Variants in BTN3A2 observed in about 807,000 individuals in gnomAD.
The protein encoded by BTN3A2 is butyrophilin protein.
BTN3A2 carries 25 observed loss-of-function variants against 37.6 expected under a neutral mutation model. The observed-to-expected ratio is 0.66, with a 90% CI of 0.48 to 0.93. The LOEUF (loss-of-function observed/expected upper bound fraction) is 0.93, where lower values mean the gene tolerates loss of function less well. Among genes scored for constraint, BTN3A2 ranks in the 40% least tolerant of loss-of-function variants. The pLI is 0.00. For missense variants in BTN3A2, 266 were observed against 410.9 expected (o/e 0.65, Z 3.05); for synonymous variants, 122 against 159.4 (o/e 0.77, Z 1.77).
In BTN3A2 at chr6:26,373,313, C is replaced by T. The variant is rs375536490; in HGVS notation, c.937+17C>T. On this transcript the variant is annotated intron_variant, in intron 7 of 10. Transcript: ENST00000377708. ...AGGAACTCAGTAAGTTACCATTCCC[C>T]CAGAGATCCAGACATGTCTTCCTAT... The T allele has an allele frequency of 1.2e-6, 2 of 1,608,704 alleles. No homozygotes were observed. The highest frequency in any genetic ancestry group is 1.7e-6 in the Non-Finnish European group (2 of 1,178,962).
Position 26,377,548 on chromosome 6 carries a change from C to A in BTN3A2, c.*1786C>A. ...TGTCACTCCTTTAATCCTCACAACA[C>A]CCTGTCAGGTAGTCTCATTTGGCAA... is the stretch of plus-strand genomic sequence containing the variant. On this transcript the variant is annotated 3_prime_UTR_variant, in exon 11 of 11. Transcript: ENST00000377708. 4.0e-6 allele frequency: 1 copy of A among 251,808 alleles called. No individual in the cohort carries two copies. Among genetic ancestry groups the A allele is most frequent in the Non-Finnish European group, 7.8e-6 (1 of 127,606 alleles). 15.6% of individuals were successfully genotyped at this position (251,808 alleles called of 1,614,324 possible).
chr6:26,369,211 C>A, intron 4 of BTN3A2, among the ~76,000 whole-genome samples: 1 of 152,194 alleles, frequency 6.6e-6, no homozygotes, highest in East Asian at 1.9e-4. Context: ...GTGACTGGTA[C>A]ACAGTCATTT....
rs1316342676 is a variant in BTN3A2, at chr6:26,376,323, C to T, written c.*561C>T. On this transcript the variant is annotated 3_prime_UTR_variant, in exon 11 of 11. Coordinates refer to ENST00000377708, the MANE Select transcript of BTN3A2 (RefSeq NM_007047.5). ...ACAACAAAAATGTAGAAAGAGGATC[C>T]TTGTTGCTTCTTGGGGCCGCATCAG... is the stretch of plus-strand genomic sequence containing the variant. 1.4e-5 allele frequency: 3 copies of T among 217,102 alleles called. No homozygotes were observed. Among genetic ancestry groups the T allele is most frequent in the African/African-American group, 2.3e-5 (1 of 43,152 alleles). The allele number at this position is 217,102 out of a possible 1,614,324, so 13.4% of individuals were successfully genotyped here.
chr6:26,369,555 A>G (rs1409277708), intron 4 of BTN3A2, among the ~76,000 whole-genome samples: 8 of 152,140 alleles, frequency 5.3e-5, no homozygotes, highest in Admixed American at 5.2e-4. Context: ...GGGCAGGTTA[A>G]TTCTGAGTGA....
chr6:26,367,972 C>G lies in BTN3A2; in HGVS notation c.-66-18C>G. The G allele has an allele frequency of 8.0e-7, 1 of 1,252,958 alleles. No homozygotes were observed. Among genetic ancestry groups the G allele is most frequent in the South Asian group, 1.7e-5 (1 of 59,496 alleles). 77.6% of individuals were successfully genotyped at this position (1,252,958 alleles called of 1,614,324 possible). On this transcript the variant is annotated intron_variant, in intron 1 of 10. Coordinates refer to ENST00000377708, the MANE Select transcript of BTN3A2 (RefSeq NM_007047.5). Reference sequence around the variant, plus strand: ...AGTCAGAGATGTCCTGATCAGATAACAGATATTATTTTTACAGATGGTTTT... The same window carrying G: ...AGTCAGAGATGTCCTGATCAGATAAGAGATATTATTTTTACAGATGGTTTT...
Position 26,365,200 on chromosome 6 carries a change from C to T in BTN3A2, c.-219C>T. On this transcript the variant is annotated 5_prime_UTR_variant, in exon 1 of 11. Transcript: ENST00000377708. ...AAAAACTAATTCTTCCAAAGAGCGACTCTTACTGTTTCTCATGGTGAGAAG... is the reference window on the plus strand; with the variant it reads ...AAAAACTAATTCTTCCAAAGAGCGATTCTTACTGTTTCTCATGGTGAGAAG... 6 of 1,119,580 alleles carry T rather than the reference C, an allele frequency of 5.4e-6. No homozygotes were observed. The highest frequency in any genetic ancestry group is 2.3e-5 in the Admixed American group (1 of 43,604). The allele number at this position is 1,119,580 out of a possible 1,614,324, so 69.4% of individuals were successfully genotyped here.
intron 8 of BTN3A2, 40 bp from the exon 9 acceptor site, chr6:26,374,287 G>T (rs1432466943): frequency 1.8e-5 from 27 of 1,542,052 alleles, no homozygotes; most frequent in Non-Finnish European, 2.4e-5. Context: ...CACAGAAAAG[G>T]CAGAGTTCTG....
intron 8 of BTN3A2, 87 bp from the exon 9 acceptor site, chr6:26,374,240 A>AAAAG: frequency 2.5e-6 from 1 of 394,456 alleles, no homozygotes; most frequent in Non-Finnish European, 4.3e-6. Context: ...AAAAAAAAAA[A>AAAAG]GACTAGATGG....
At chr6:26,365,560 G>A (rs1761987761) in intron 1 of BTN3A2, among the ~76,000 whole-genome samples, 1 of 151,736 alleles carries the variant, frequency 6.6e-6, no homozygotes, top group African/African-American at 2.4e-5. Flanking sequence ...ATATGGGCAC[G>A]TGGGAAGACG....
In BTN3A2 at chr6:26,376,831, C is replaced by T. The variant is rs1581575059; in HGVS notation, c.*1069C>T. On this transcript the variant is annotated 3_prime_UTR_variant, in exon 11 of 11. Coordinates refer to ENST00000377708, the MANE Select transcript of BTN3A2 (RefSeq NM_007047.5). ...AGGAAAAAAGTTTGGGTCAAAATGA[C>T]ACCGGAGAACGGATACTGGACTATG... 2 of 1,613,972 alleles carry T rather than the reference C, an allele frequency of 1.2e-6. No individual in the cohort carries two copies. The highest frequency in any genetic ancestry group is 2.2e-5 in the East Asian group (1 of 44,878).
intron 4 of BTN3A2, 33 bp from the exon 5 acceptor site, chr6:26,370,289 A>C: frequency 6.2e-7 from 1 of 1,609,362 alleles, no homozygotes; most frequent in Non-Finnish European, 8.5e-7. Flanking sequence ...TACAGGAGCT[A>C]TCCAGAATTT....
At position 26,376,727 on chromosome 6, in the gene BTN3A2, G is replaced by A. The variant is rs551291128; in HGVS notation, c.*965G>A. Reference sequence around the variant, plus strand: ...GTGTGCTTGGCTGTGAAAGCTTCATGTCAGAGAGACACTACTGGGAGGTGG... The same window carrying A: ...GTGTGCTTGGCTGTGAAAGCTTCATATCAGAGAGACACTACTGGGAGGTGG... On this transcript the variant is annotated 3_prime_UTR_variant, in exon 11 of 11. Coordinates refer to ENST00000377708, the MANE Select transcript of BTN3A2 (RefSeq NM_007047.5). 8.0e-4 allele frequency: 1,272 copies of A among 1,586,896 alleles called. 1 individual carries two copies. The highest frequency in any genetic ancestry group is 3.5e-3 in the Middle Eastern group (21 of 5,988).
Position 26,377,271 on chromosome 6 carries a change from C to A in BTN3A2, c.*1509C>A. 1 of 788,254 alleles carries A rather than the reference C, an allele frequency of 1.3e-6. No homozygotes were observed. Among genetic ancestry groups the A allele is most frequent in the Non-Finnish European group, 2.2e-6 (1 of 453,998 alleles). 48.8% of individuals were successfully genotyped at this position (788,254 alleles called of 1,614,324 possible). ...CACCCTCCACAACAGCCAGTCAGAA[C>A]CATAAAGCTACAGGCACACACTGAA... On this transcript the variant is annotated 3_prime_UTR_variant, in exon 11 of 11. Coordinates refer to ENST00000377708, the MANE Select transcript of BTN3A2 (RefSeq NM_007047.5).
intron 8 of BTN3A2, 103 bp downstream of exon 8, chr6:26,373,516 T>C: frequency 7.4e-7 from 1 of 1,347,528 alleles, no homozygotes; most frequent in Admixed American, 2.5e-5. Context: ...AAAGTGGTCT[T>C]GGATCCCTTT....
chr6:26,368,249 C>T lies in BTN3A2; in HGVS notation c.67C>T (p.Leu23=). Reference sequence around the variant, plus strand: ...TCATGTCTCCCTCCTCTTGGTCCAGCTGCTCACTCCTTGCTCAGGTAGGGA... The same window carrying T: ...TCATGTCTCCCTCCTCTTGGTCCAGTTGCTCACTCCTTGCTCAGGTAGGGA... ...NFHVSLLLVQ[L]LTPCSAQFSV... is the part of the protein sequence containing the mutation. The change falls in exon 3 of 11, where the codon CTG becomes TTG. Residue 23 remains leucine, a synonymous_variant. Transcript: ENST00000377708. 6.2e-7 allele frequency: 1 copy of T among 1,614,218 alleles called. No homozygotes were observed. The highest frequency in any genetic ancestry group is 8.5e-7 in the Non-Finnish European group (1 of 1,180,036).
intron 10 of BTN3A2, 177 bp from the exon 11 acceptor site, chr6:26,375,620 T>C: frequency 6.7e-7 from 1 of 1,497,124 alleles, no homozygotes; most frequent in Admixed American, 2.4e-5. Flanking sequence ...TGGAGAAAGC[T>C]GAAGGCTGGA....
At chr6:26,365,968 T>G (rs546450861) in intron 1 of BTN3A2, among the ~76,000 whole-genome samples, 2 of 152,338 alleles carry the variant, frequency 1.3e-5, no homozygotes, top group South Asian at 4.1e-4. Context: ...AAATTCTTTA[T>G]AATTTTAATA....
At chr6:26,374,914 C>T (rs1760556918) in intron 10 of BTN3A2, 116 bp downstream of exon 10, 3 of 1,135,702 alleles carry the variant, frequency 2.6e-6, no homozygotes, top group Non-Finnish European at 3.8e-6. Context: ...TGACTTCCTT[C>T]GTGGGTAGGA....
At position 26,373,079 on chromosome 6, in the gene BTN3A2, C is replaced by G. The variant is rs146618645; in HGVS notation, c.898C>G (p.Arg300Gly). The change falls in exon 6 of 11, where the codon CGG becomes GGG. Residue 300 changes from arginine (R) to glycine (G), a missense_variant. By Grantham distance (125) the Arg-to-Gly change is moderately radical. Transcript: ENST00000377708. ...MKEMGYAATE[R>G]EISLRESLQE... ...AGAAATGGGATATGCTGCAACAGAG[C>G]GGGAAATAAGCCTAAGAGGTATCCA... 4 of 1,613,918 alleles carry G rather than the reference C, an allele frequency of 2.5e-6. No individual in the cohort carries two copies. Among genetic ancestry groups the G allele is most frequent in the South Asian group, 1.1e-5 (1 of 91,078 alleles).
Sources: allele counts gnomAD v4.1 joint callset (sites outside exome capture counted in the v4.1 genomes callset), GRCh38; gene constraint gnomAD v4.1.1; transcripts MANE v1.5; gene names NCBI Gene and HGNC (gene_info 2026-07-23, HGNC 2026-07-21).